Variants in ADGRA3 observed in about 807,000 individuals in gnomAD.
The protein encoded by ADGRA3 is adhesion G protein-coupled receptor A3, also known as G-protein coupled receptor 125.
Under a neutral mutation model 119.8 loss-of-function variants are expected in ADGRA3, and 56 were observed. That is an observed-to-expected ratio of 0.47 (90% CI 0.38 to 0.58). The LOEUF (loss-of-function observed/expected upper bound fraction) is 0.58. Ranked by LOEUF, ADGRA3 falls within the 20% of genes least tolerant of loss-of-function variation. The pLI is 0.00. For synonymous variants in ADGRA3, 607 were observed against 623.8 expected, an observed-to-expected ratio of 0.97 and a Z score of 0.40; for missense variants, 1,516 against 1,649.0, an observed-to-expected ratio of 0.92 and a Z score of 1.40.
At chr4:22,455,759 A>G (rs1046892908) in intron 3 of ADGRA3, 25 of 1,209,296 alleles carry the variant, frequency 2.1e-5, no homozygotes, top group Non-Finnish European at 2.7e-5. Flanking sequence ...CTGGTTTAAA[A>G]GTAAAAACTT....
chr4:22,392,637 C>G lies in ADGRA3; in HGVS notation c.2535G>C (p.Val845=). ...STLATVLWVG[V]TARNIYKQVT... is the part of the protein sequence containing the mutation. Reference sequence around the variant, plus strand: ...CTTGTTTGTAGATATTTCGAGCTGTCACTCCTACCCATAGTACTGTGGCAA... The same window carrying G: ...CTTGTTTGTAGATATTTCGAGCTGTGACTCCTACCCATAGTACTGTGGCAA... Residue 845 remains valine (V), a synonymous_variant, in exon 17 of 19, where the codon GTG becomes GTC. Coordinates refer to ENST00000334304, the MANE Select transcript of ADGRA3 (RefSeq NM_145290.4). 1.2e-6 allele frequency: 2 copies of G among 1,613,864 alleles called. No homozygotes were observed. Among genetic ancestry groups the G allele is most frequent in the Non-Finnish European group, 1.7e-6 (2 of 1,179,852 alleles).
At chr4:22,514,143 A>G (rs1270949154) in intron 1 of ADGRA3, among the ~76,000 whole-genome samples, 1 of 152,198 alleles carries the variant, frequency 6.6e-6, no homozygotes, top group Admixed American at 6.5e-5. Flanking sequence ...ACATAACTGC[A>G]TGATGACTAA....
At chr4:22,415,764 T>C (rs78369348) in intron 12 of ADGRA3, among the ~76,000 whole-genome samples, 17,754 of 151,968 alleles carry the variant, frequency 0.12, 1,492 homozygotes, top group Non-Finnish European at 0.17. Context: ...AAAGTTAAAA[T>C]AGGGAATAAC....
rs770969743 is a variant in ADGRA3 at position 22,387,790 on chromosome 4, C to G, written c.3881G>C (p.Ser1294Thr). Residue 1294 changes from serine to threonine, a missense_variant, in exon 19 of 19, where the codon AGC becomes ACC. Ser to Thr is a moderately conservative substitution (Grantham distance 58). Around this residue, in one of 2 missense-constraint regions of ADGRA3, gnomAD observed 1,088 missense variants for 1,107.1 expected, o/e 0.98. Coordinates refer to ENST00000334304, the MANE Select transcript of ADGRA3 (RefSeq NM_145290.4). The stretch of plus-strand genomic sequence containing the variant: ...GAGCAAGGGTCCCTCCTGCCCATTG[C>G]TTTTAATTGGTCCATTCTGAATGGC... ...NLAIQNGPIK[S>T]NGQEGPLLGT... is the part of the protein sequence containing the mutation. The G allele has an allele frequency of 6.2e-7, 1 of 1,614,120 alleles. No individual in the cohort carries two copies. The highest frequency in any genetic ancestry group is 8.5e-7 in the Non-Finnish European group (1 of 1,180,002).
At chr4:22,440,068 G>A (rs1013068269) in intron 7 of ADGRA3, among the ~76,000 whole-genome samples, 3 of 152,016 alleles carry the variant, frequency 2.0e-5, no homozygotes, top group Admixed American at 1.3e-4. Flanking sequence ...CCTCAGATTC[G>A]GATCAGACAA....
chr4:22,463,992 G>A (rs1315382939), intron 2 of ADGRA3, among the ~76,000 whole-genome samples: 1 of 152,066 alleles, frequency 6.6e-6, no homozygotes, highest in South Asian at 2.1e-4. Context: ...GGTCTTTCTT[G>A]CATCTAATCC....
At chr4:22,440,402 G>C (rs940233150) in intron 7 of ADGRA3, among the ~76,000 whole-genome samples, 78 of 152,108 alleles carry the variant, frequency 5.1e-4, no homozygotes, top group African/African-American at 1.8e-3. Flanking sequence ...CAAAGACATG[G>C]GGAGATCAAT....
chr4:22,461,941 A>T (rs1717477383), intron 2 of ADGRA3, 133 bp from the exon 3 acceptor site: 1 of 504,518 alleles, frequency 2.0e-6, no homozygotes, highest in South Asian at 4.0e-5. Context: ...AAAAGGGTTA[A>T]GCCAAGATCA....
chr4:22,494,206 G>GAAA (rs765015053), intron 1 of ADGRA3, among the ~76,000 whole-genome samples: 1 of 132,166 alleles, frequency 7.6e-6, no homozygotes, highest in Non-Finnish European at 1.6e-5. Flanking sequence ...CTCTGTCTCA[G>GAAA]AAAAAAAAAA....
intron 1 of ADGRA3, among the ~76,000 whole-genome samples, chr4:22,477,029 AT>A (rs994567146): frequency 6.6e-6 from 1 of 151,840 alleles, no homozygotes; most frequent in East Asian, 1.9e-4. Flanking sequence ...TAAGACTTTT[AT>A]TTTTTTAAGT....
At chr4:22,479,751 G>T (rs2109131551) in intron 1 of ADGRA3, among the ~76,000 whole-genome samples, 1 of 152,178 alleles carries the variant, frequency 6.6e-6, no homozygotes, top group Middle Eastern at 3.4e-3. Flanking sequence ...CAACCCAAAT[G>T]CCCATCAATG....
intron 5 of ADGRA3, among the ~76,000 whole-genome samples, chr4:22,445,413 C>T (rs1716794720): frequency 6.6e-6 from 1 of 152,138 alleles, no homozygotes; most frequent in Non-Finnish European, 1.5e-5. Flanking sequence ...TGCAACAAGC[C>T]ACTGAACACC....
In ADGRA3 at chr4:22,515,694, C is replaced by T. The variant is rs751553781; in HGVS notation, c.91G>A (p.Gly31Ser). ...AGCGCCGCGGCGCCGCCGCCGCCGCCGCCTCCCAGCAGCGCGAGCAGCGCT... is the reference window on the plus strand; with the variant it reads ...AGCGCCGCGGCGCCGCCGCCGCCGCTGCCTCCCAGCAGCGCGAGCAGCGCT... ...LLALLALLGG[G>S]GGGGAAALPA... Residue 31 changes from glycine (G) to serine (S), a missense_variant, in exon 1 of 19, where the codon GGC becomes AGC. Physicochemically the swap from Gly to Ser is moderately conservative, Grantham distance 56 (BLOSUM62 0). Around this residue, in one of 2 missense-constraint regions of ADGRA3, gnomAD observed 428 missense variants for 541.9 expected, o/e 0.79. Transcript: ENST00000334304. 3.0e-5 allele frequency: 33 copies of T among 1,091,644 alleles called. No individual in the cohort carries two copies. The highest frequency in any genetic ancestry group is 3.5e-5 in the Non-Finnish European group (32 of 902,562). 67.6% of individuals were successfully genotyped at this position (1,091,644 alleles called of 1,614,324 possible). A position where few individuals can be genotyped will look rare whatever the true frequency, so the allele number is the denominator to read the frequency against.
chr4:22,456,065 G>T (rs1341162363), intron 3 of ADGRA3, among the ~76,000 whole-genome samples: 1 of 152,136 alleles, frequency 6.6e-6, no homozygotes, highest in Non-Finnish European at 1.5e-5. Flanking sequence ...TCAGTAAGGC[G>T]ATCTGCACCA....
At chr4:22,513,599 C>A (rs1458092743) in intron 1 of ADGRA3, among the ~76,000 whole-genome samples, 1 of 151,220 alleles carries the variant, frequency 6.6e-6, no homozygotes, top group Non-Finnish European at 1.5e-5. Context: ...GCAATCTCCA[C>A]CTCTCGGGTT....
rs1718483296 is a variant in ADGRA3, at chr4:22,487,790, A to G, written c.258-13947T>C. ...ATTCTAAATTGAAGATGCTTACTCA[A>G]ATTTGTGTTGTTAAATATTTCTCCA... On this transcript the variant is annotated intron_variant, in intron 1 of 18. Coordinates refer to ENST00000334304, the MANE Select transcript of ADGRA3 (RefSeq NM_145290.4). 3.3e-5 allele frequency among the ~76,000 whole-genome samples: 5 copies of G among 152,178 alleles called. No individual in the cohort carries two copies. The South Asian group carries it at 1.0e-3, about 32-fold the overall frequency.
At chr4:22,490,216 T>C (rs1296351275) in intron 1 of ADGRA3, among the ~76,000 whole-genome samples, 1 of 151,746 alleles carries the variant, frequency 6.6e-6, no homozygotes, top group Non-Finnish European at 1.5e-5. Flanking sequence ...TTTAATGCCA[T>C]AGTAGATATC....
At chr4:22,487,453 G>C (rs945272425) in intron 1 of ADGRA3, among the ~76,000 whole-genome samples, 93 of 152,280 alleles carry the variant, frequency 6.1e-4, no homozygotes, top group African/African-American at 2.2e-3. Flanking sequence ...TCTGACAGGT[G>C]GTGGAGCTCA....
chr4:22,393,439 G>A (rs1375148708), intron 16 of ADGRA3: 1 of 152,192 alleles, frequency 6.6e-6, no homozygotes, highest in Non-Finnish European at 1.5e-5. Context: ...AGAGACCTGA[G>A]ATATGATTCA....
Sources: gnomAD v4.1 joint callset for allele counts (sites outside exome capture counted in the v4.1 genomes callset) on GRCh38, gnomAD v4.1.1 for gene constraint, gnomAD v4.1.1 regional missense constraint, MANE v1.5 for transcripts, NCBI Gene and HGNC (gene_info 2026-07-23, HGNC 2026-07-21) for gene names.